The following IQCM variants were observed in gnomAD, a reference collection of about 807,000 sequenced individuals.
The protein encoded by IQCM is IQ motif containing M.
A neutral mutation model predicts 57.6 loss-of-function variants in IQCM; 45 were observed. The ratio of observed to expected loss-of-function variants is 0.78; its 90% CI spans 0.62 to 1.00. IQCM has a LOEUF of 1.00. Among genes scored for constraint, IQCM ranks in the 50% least tolerant of loss-of-function variants. IQCM has a pLI of 0.00. For synonymous variants in IQCM, 148 were observed against 158.9 expected (o/e 0.93, Z 0.51); for missense variants, 468 against 511.6 (o/e 0.91, Z 0.82).
intron 7 of IQCM, among the ~76,000 whole-genome samples, chr4:149,638,887 T>C (rs1757945150): frequency 6.7e-6 from 1 of 150,284 alleles, no homozygotes; most frequent in Admixed American, 6.6e-5. Context: ...AACTCTCCAC[T>C]ATCAGGGTTT....
Position 149,458,420 on chromosome 4 carries a change from A to C in IQCM, c.1229-24863T>G, listed in dbSNP as rs190041877. On this transcript the variant is annotated intron_variant, in intron 12 of 13. Transcript: ENST00000636793. ...ACCCAGTAAGTAAATTTAGAGCCAA[A>C]GTTTAGTAAAAGACAATAAGAAATA... 2.1e-3 allele frequency among the ~76,000 whole-genome samples: 323 copies of C among 152,224 alleles called. 4 individuals carry two copies. The highest frequency in any genetic ancestry group is 7.5e-3 in the African/African-American group (310 of 41,556).
At chr4:149,369,151 T>G (rs1273425355) in intron 13 of IQCM, among the ~76,000 whole-genome samples, 1 of 150,560 alleles carries the variant, frequency 6.6e-6, no homozygotes, top group Non-Finnish European at 1.5e-5. Flanking sequence ...TTCAAGTGAT[T>G]CTCCCGCTTC....
At chr4:149,431,638 T>G (rs1481790330) in intron 13 of IQCM, among the ~76,000 whole-genome samples, 1 of 151,998 alleles carries the variant, frequency 6.6e-6, no homozygotes, top group African/African-American at 2.4e-5. Context: ...CTCTTTGTAG[T>G]AAAACACTAC....
rs920449377 is a variant in IQCM at position 149,351,807 on chromosome 4, T to C, written c.*144A>G. Reference sequence around the variant, plus strand: ...GTTCATCCAAAAATACTAGAAATTATAGATAAACTTGTCAAAGTTCTTTCT... The same window carrying C: ...GTTCATCCAAAAATACTAGAAATTACAGATAAACTTGTCAAAGTTCTTTCT... On this transcript the variant is annotated 3_prime_UTR_variant, in exon 14 of 14. Coordinates refer to ENST00000636793, the MANE Select transcript of IQCM (RefSeq NM_001363507.2). 5.3e-6 allele frequency: 2 copies of C among 380,038 alleles called. No individual in the cohort carries two copies. The highest frequency in any genetic ancestry group is 9.2e-6 in the Non-Finnish European group (2 of 217,148). The allele number at this position is 380,038 out of a possible 1,614,324, so 23.5% of individuals were successfully genotyped here. A position where few individuals can be genotyped will look rare whatever the true frequency, so the allele number is the denominator to read the frequency against.
intron 7 of IQCM, among the ~76,000 whole-genome samples, chr4:149,672,934 A>C (rs1761431165): frequency 6.6e-6 from 1 of 152,226 alleles, no homozygotes; most frequent in East Asian, 1.9e-4. Context: ...ATCTTTCGGC[A>C]GAAACTCTAC....
At chr4:149,805,608 T>A (rs1193084484) in intron 2 of IQCM, among the ~76,000 whole-genome samples, 2 of 152,076 alleles carry the variant, frequency 1.3e-5, no homozygotes, top group Non-Finnish European at 2.9e-5. Flanking sequence ...AACAACTTTG[T>A]ATATTTTTAA....
chr4:149,810,158 G>A (rs1223720079), intron 2 of IQCM, among the ~76,000 whole-genome samples: 2 of 151,952 alleles, frequency 1.3e-5, no homozygotes, highest in African/African-American at 4.8e-5. Context: ...GCCAAGGTGG[G>A]TGGAACACTT....
chr4:149,745,672 T>C (rs539888320), intron 2 of IQCM, among the ~76,000 whole-genome samples: 2 of 152,314 alleles, frequency 1.3e-5, no homozygotes, highest in East Asian at 3.9e-4. Context: ...CTAAAGTAGA[T>C]GACTGATAAG....
intron 2 of IQCM, among the ~76,000 whole-genome samples, chr4:149,802,782 T>C (rs1414340377): frequency 2.0e-5 from 3 of 152,020 alleles, no homozygotes; most frequent in Non-Finnish European, 4.4e-5. Context: ...AAATTCTTTA[T>C]GTAGTCAGAT....
chr4:149,482,218 C>G (rs1451821553), intron 12 of IQCM, among the ~76,000 whole-genome samples: 2 of 151,972 alleles, frequency 1.3e-5, no homozygotes, highest in African/African-American at 4.8e-5. Flanking sequence ...ATCACATCAT[C>G]TGCAAATAAA....
intron 12 of IQCM, among the ~76,000 whole-genome samples, chr4:149,519,360 G>A (rs1256361127): frequency 3.3e-5 from 5 of 152,256 alleles, no homozygotes; most frequent in East Asian, 3.9e-4. Flanking sequence ...GGTGGCTCAC[G>A]CCTGTAATCC....
chr4:149,549,921 A>G (rs1748861549), intron 11 of IQCM, among the ~76,000 whole-genome samples: 1 of 152,272 alleles, frequency 6.6e-6, no homozygotes, highest in Non-Finnish European at 1.5e-5. Context: ...ATCCTAAAAC[A>G]CAGCAGTAAA....
chr4:149,494,178 T>G (rs182559974), intron 12 of IQCM, among the ~76,000 whole-genome samples: 1 of 152,146 alleles, frequency 6.6e-6, no homozygotes, highest in East Asian at 1.9e-4. Flanking sequence ...CAGCAGTCGT[T>G]TTTAACGGCT....
At chr4:149,446,374 C>T (rs1482228580) in intron 12 of IQCM, among the ~76,000 whole-genome samples, 1 of 151,658 alleles carries the variant, frequency 6.6e-6, no homozygotes, top group African/African-American at 2.4e-5. Flanking sequence ...ATTTAATATG[C>T]TCCATTCAAA....
At chr4:149,589,096 A>G (rs561479542) in intron 8 of IQCM, among the ~76,000 whole-genome samples, 14 of 152,124 alleles carry the variant, frequency 9.2e-5, no homozygotes, top group African/African-American at 3.4e-4. Context: ...CAAATGTAAA[A>G]TTGATAGCTA....
At chr4:149,562,398 A>C (rs1201316671) in intron 10 of IQCM, among the ~76,000 whole-genome samples, 1 of 152,204 alleles carries the variant, frequency 6.6e-6, no homozygotes, top group African/African-American at 2.4e-5. Context: ...AGTTGAAAGA[A>C]TCTAAGAGAC....
At chr4:149,402,384 A>G (rs2111134872) in intron 13 of IQCM, among the ~76,000 whole-genome samples, 1 of 151,700 alleles carries the variant, frequency 6.6e-6, no homozygotes. Flanking sequence ...TTAGAAAAAA[A>G]TAAGTGTACC....
At chr4:149,599,413 G>A (rs951251140) in intron 8 of IQCM, among the ~76,000 whole-genome samples, 1 of 152,232 alleles carries the variant, frequency 6.6e-6, no homozygotes, top group African/African-American at 2.4e-5. Context: ...TGCTAAAATT[G>A]TATGGAAATG....
At chr4:149,437,431 G>T (rs930516009) in intron 12 of IQCM, among the ~76,000 whole-genome samples, 1 of 152,000 alleles carries the variant, frequency 6.6e-6, no homozygotes, top group African/African-American at 2.4e-5. Flanking sequence ...CTCTCAGTTC[G>T]CTAAGAATAA....
Sources: gnomAD v4.1 joint callset for allele counts (sites outside exome capture counted in the v4.1 genomes callset) on GRCh38, gnomAD v4.1.1 for gene constraint, MANE v1.5 for transcripts, NCBI Gene and HGNC (gene_info 2026-07-23, HGNC 2026-07-21) for gene names.